Variants in KDM4C observed in about 807,000 individuals in gnomAD.
KDM4C encodes the protein lysine demethylase 4C.
In KDM4C, 81 loss-of-function variants were observed where a neutral mutation model predicts 129.3. The ratio of observed to expected loss-of-function variants is 0.63; its 90% CI spans 0.52 to 0.75. KDM4C has a LOEUF of 0.75. Ranked by LOEUF, KDM4C falls within the 30% of genes least tolerant of loss-of-function variation. KDM4C has a pLI of 0.00. For missense variants in KDM4C, 1,457 were observed against 1,304.0 expected (o/e 1.12, Z -1.81); for synonymous variants, 573 against 456.1 (o/e 1.26, Z -3.26).
intron 1 of KDM4C, among the ~76,000 whole-genome samples, chr9:6,775,385 A>G (rs1472996091): frequency 6.6e-6 from 1 of 151,938 alleles, no homozygotes; most frequent in Non-Finnish European, 1.5e-5. Flanking sequence ...CATCGGGTGA[A>G]TATATTGTGA....
chr9:6,767,914 A>G (rs781290571), intron 1 of KDM4C, among the ~76,000 whole-genome samples: 21 of 151,742 alleles, frequency 1.4e-4, no homozygotes, highest in East Asian at 5.8e-4. Context: ...TTTTTTGATA[A>G]TTTTATTTAT....
At chr9:6,788,295 C>T (rs1825875233) in intron 1 of KDM4C, among the ~76,000 whole-genome samples, 1 of 152,188 alleles carries the variant, frequency 6.6e-6, no homozygotes, top group Admixed American at 6.5e-5. Context: ...CATACAATAA[C>T]TATTTGTTGA....
At chr9:6,922,928 A>G (rs1821804551) in intron 8 of KDM4C, among the ~76,000 whole-genome samples, 1 of 152,244 alleles carries the variant, frequency 6.6e-6, no homozygotes, top group Admixed American at 6.5e-5. Context: ...ATGGATGCAC[A>G]TTAGATTTGT....
At chr9:6,947,498 G>C (rs1409212866) in intron 8 of KDM4C, among the ~76,000 whole-genome samples, 1 of 151,846 alleles carries the variant, frequency 6.6e-6, no homozygotes, top group Non-Finnish European at 1.5e-5. Context: ...TCAGCATTTT[G>C]TTTTATGCTC....
chr9:7,170,249 A>G (rs1490620238), intron 21 of KDM4C: 1 of 1,150,698 alleles, frequency 8.7e-7, no homozygotes, highest in Non-Finnish European at 1.1e-6. Flanking sequence ...CATTAAAAGT[A>G]TTCAGGAGTA....
rs201568441 is a variant in KDM4C, at chr9:6,919,295, CT to C, written c.921+26066del. On this transcript the variant is annotated intron_variant, in intron 8 of 21. Coordinates refer to ENST00000381309, the MANE Select transcript of KDM4C (RefSeq NM_015061.6). ...TCTGTCTCTCTCTCTCTCTTTCTTT[CT>C]TTCTTTCATTGAGATTTTGGATATT... Among the ~76,000 whole-genome samples the C allele has an allele frequency of 2.2e-4, 23 of 103,068 alleles. No individual in the cohort carries two copies. In the East Asian group the frequency reaches 6.4e-3, roughly 29 times the overall value. The allele number at this position is 103,068 out of a possible 152,430, so 67.6% of individuals were successfully genotyped here. A position where few individuals can be genotyped will look rare whatever the true frequency, so the allele number is the denominator to read the frequency against.
At chr9:7,108,152 C>G (rs1837910002) in intron 18 of KDM4C, among the ~76,000 whole-genome samples, 1 of 152,134 alleles carries the variant, frequency 6.6e-6, no homozygotes, top group African/African-American at 2.4e-5. Context: ...TGTTATTCCA[C>G]CATCTGGCCC....
intron 4 of KDM4C, among the ~76,000 whole-genome samples, chr9:6,819,280 T>G (rs1215318000): frequency 6.6e-6 from 1 of 152,236 alleles, no homozygotes; most frequent in Non-Finnish European, 1.5e-5. Context: ...TTGCAGTGCT[T>G]ATCAATTTAC....
chr9:6,810,089 C>T (rs1212223499), intron 3 of KDM4C, among the ~76,000 whole-genome samples: 1 of 152,156 alleles, frequency 6.6e-6, no homozygotes, highest in African/African-American at 2.4e-5. Flanking sequence ...ATTATTAAGA[C>T]TTGAGCCTTG....
At chr9:6,977,845 T>A (rs1833191347) in intron 8 of KDM4C, among the ~76,000 whole-genome samples, 1 of 152,136 alleles carries the variant, frequency 6.6e-6, no homozygotes, top group Non-Finnish European at 1.5e-5. Flanking sequence ...CTCCTCCTGT[T>A]TGATTCTTCA....
intron 1 of KDM4C, among the ~76,000 whole-genome samples, chr9:6,765,809 G>T (rs1307949540): frequency 6.6e-6 from 1 of 152,062 alleles, no homozygotes; most frequent in African/African-American, 2.4e-5. Context: ...TTTGCAGGGG[G>T]ATGGAGTCTT....
At chr9:7,159,814 G>A (rs1843586623) in intron 19 of KDM4C, among the ~76,000 whole-genome samples, 1 of 152,050 alleles carries the variant, frequency 6.6e-6, no homozygotes, top group Non-Finnish European at 1.5e-5. Context: ...GTGTCTTGGG[G>A]TTGCTCTTCT....
At position 7,150,135 on chromosome 9, in the gene KDM4C, C is replaced by T. The variant is rs1040126595; in HGVS notation, c.2782-15103C>T. Among the ~76,000 whole-genome samples the T allele has an allele frequency of 5.9e-5, 9 of 152,316 alleles. No individual in the cohort carries two copies. In the South Asian group the frequency reaches 1.0e-3, roughly 18 times the overall value. ...GACTGACCAGCTATGCGAGCCCAAA[C>T]GAAATCAGGTTGACAATGCCGGAGC... On this transcript the variant is annotated intron_variant, in intron 19 of 21. Transcript: ENST00000381309.
chr9:6,818,539 A>T (rs961167901), intron 4 of KDM4C, among the ~76,000 whole-genome samples: 7 of 152,182 alleles, frequency 4.6e-5, no homozygotes, highest in Non-Finnish European at 8.8e-5. Flanking sequence ...AGCAAGTAGG[A>T]CATGTAGGAA....
intron 4 of KDM4C, chr9:6,834,446 C>G (rs1049633742): frequency 3.5e-5 from 17 of 479,278 alleles, no homozygotes; most frequent in African/African-American, 2.9e-4. Flanking sequence ...ACACCCGCTA[C>G]CAGCTCACCA....
chr9:6,967,882 A>G (rs1264626131), intron 8 of KDM4C, among the ~76,000 whole-genome samples: 2 of 152,240 alleles, frequency 1.3e-5, no homozygotes, highest in East Asian at 1.9e-4. Context: ...CCACTTGCAT[A>G]TTCTATGGCT....
intron 17 of KDM4C, among the ~76,000 whole-genome samples, chr9:7,053,529 C>G (rs1016136947): frequency 2.6e-5 from 4 of 152,196 alleles, no homozygotes; most frequent in African/African-American, 9.6e-5. Context: ...TTGGTAATGT[C>G]ACAGGTGTGG....
At chr9:7,155,192 C>G (rs1196110462) in intron 19 of KDM4C, among the ~76,000 whole-genome samples, 6 of 152,102 alleles carry the variant, frequency 3.9e-5, no homozygotes, top group Non-Finnish European at 7.4e-5. Context: ...CTTTGAGAAG[C>G]TGTGCTCTAG....
intron 8 of KDM4C, among the ~76,000 whole-genome samples, chr9:6,903,502 T>A (rs1817750962): frequency 6.6e-6 from 1 of 152,186 alleles, no homozygotes; most frequent in South Asian, 2.1e-4. Context: ...TGTGCATCAG[T>A]CTTGGTAAAC....
Sources: allele counts gnomAD v4.1 joint callset (sites outside exome capture counted in the v4.1 genomes callset), GRCh38; gene constraint gnomAD v4.1.1; transcripts MANE v1.5; gene names NCBI Gene and HGNC (gene_info 2026-07-23, HGNC 2026-07-21).